ALMS1: variants seen among roughly 807,000 people sequenced by gnomAD.
The protein encoded by ALMS1 is centrosome-associated protein ALMS1.
ALMS1 carries 271 observed loss-of-function variants against 352.2 expected under a neutral mutation model. The observed-to-expected ratio is 0.77, with a 90% confidence interval of 0.70 to 0.85. ALMS1 has a LOEUF of 0.85. Ranked by LOEUF, ALMS1 falls within the 40% of genes least tolerant of loss-of-function variation. The pLI, the probability that ALMS1 is intolerant of heterozygous loss-of-function variation, is 0.00. For synonymous variants in ALMS1, 1,865 were observed against 1,761.2 expected (o/e 1.06, Z -1.48); for missense variants, 5,445 against 4,870.7 (o/e 1.12, Z -3.51).
chr2:73,439,237 C>T (rs1427349492), intron 7 of ALMS1, among the ~76,000 whole-genome samples: 1 of 151,524 alleles, frequency 6.6e-6, no homozygotes, highest in Non-Finnish European at 1.5e-5. Flanking sequence ...CTGCCTCACT[C>T]TCTGAGTAGC....
At position 73,519,846 on chromosome 2, in the gene ALMS1, TAAC is replaced by T. The variant is rs762803723; in HGVS notation, c.9616_9618del (p.Thr3206del). On this transcript the variant is annotated inframe_deletion, in exon 11 of 23. Transcript: ENST00000613296. ...TTGTCATCTGATGCAGTCACTCAGA[TAAC>T]AACAGAAAGTCCAGAAAAGACCCTA... is the stretch of plus-strand genomic sequence containing the variant. The T allele has an allele frequency of 1.2e-6, 2 of 1,614,078 alleles. No individual in the cohort carries two copies. The highest frequency in any genetic ancestry group is 1.7e-6 in the Non-Finnish European group (2 of 1,179,950).
intron 1 of ALMS1, among the ~76,000 whole-genome samples, chr2:73,406,385 A>G (rs1208451596): frequency 2.0e-5 from 3 of 149,886 alleles, no homozygotes; most frequent in South Asian, 2.1e-4. Context: ...CCTTAGTTCC[A>G]AAGTGTCTTT....
chr2:73,425,343 C>T (rs1392907635), intron 5 of ALMS1, among the ~76,000 whole-genome samples: 1 of 152,094 alleles, frequency 6.6e-6, no homozygotes, highest in Non-Finnish European at 1.5e-5. Flanking sequence ...AGAAGTGCAA[C>T]CCAGATTCTT....
chr2:73,455,069 T>G, intron 8 of ALMS1, 93 bp from the exon 9 acceptor site: 1 of 1,403,148 alleles, frequency 7.1e-7, no homozygotes, highest in Non-Finnish European at 1.0e-6. Context: ...CAGTGGGTAT[T>G]AAATTGCATA....
intron 1 of ALMS1, among the ~76,000 whole-genome samples, chr2:73,393,393 T>C (rs565601983): frequency 7.3e-6 from 1 of 137,340 alleles, no homozygotes; most frequent in East Asian, 2.0e-4. Flanking sequence ...TCCAGCACTG[T>C]TTTTTTTTTT....
Position 73,520,014 on chromosome 2 carries a change from A to AT in ALMS1, c.9780dup (p.Gly3261TrpfsTer9). The AT allele has an allele frequency of 6.2e-7, 1 of 1,614,058 alleles. No homozygotes were observed. The highest frequency in any genetic ancestry group is 8.5e-7 in the Non-Finnish European group (1 of 1,179,946). Reference sequence around the variant, plus strand: ...CAGGTTACTTTTTCTCGCGGCACAGATGGTAAGAGAATGTGATTGCATTTT... The same window carrying AT: ...CAGGTTACTTTTTCTCGCGGCACAGATTGGTAAGAGAATGTGATTGCATTTT... On this transcript the variant is annotated frameshift_variant and splice_region_variant, in exon 11 of 23. Transcript: ENST00000613296. LOFTEE classifies it high-confidence loss of function.
chr2:73,546,878 C>G (rs548249347), intron 12 of ALMS1, among the ~76,000 whole-genome samples: 1 of 152,118 alleles, frequency 6.6e-6, no homozygotes, highest in Admixed American at 6.5e-5. Flanking sequence ...AGGCAACATC[C>G]CATTCTATAA....
intron 14 of ALMS1, among the ~76,000 whole-genome samples, chr2:73,557,741 A>T (rs1375347054): frequency 6.6e-6 from 1 of 152,196 alleles, no homozygotes; most frequent in Non-Finnish European, 1.5e-5. Context: ...TTTACTTCCT[A>T]CCTATCAGTT....
intron 13 of ALMS1, among the ~76,000 whole-genome samples, chr2:73,555,234 G>C: frequency 6.6e-6 from 1 of 152,148 alleles, no homozygotes; most frequent in Admixed American, 6.5e-5. Context: ...TACATGTGTA[G>C]CTTATTTAAG....
At chr2:73,401,681 CTTT>C (rs530310149) in intron 1 of ALMS1, among the ~76,000 whole-genome samples, 2 of 143,344 alleles carry the variant, frequency 1.4e-5, no homozygotes, top group Non-Finnish European at 3.1e-5. Flanking sequence ...TAGTTACTGC[CTTT>C]TTTTTTTTGT....
intron 12 of ALMS1, among the ~76,000 whole-genome samples, chr2:73,539,039 G>A (rs1674099292): frequency 6.6e-6 from 1 of 152,122 alleles, no homozygotes; most frequent in Non-Finnish European, 1.5e-5. Flanking sequence ...GAGAGTAGTG[G>A]TTCTCCCAGC....
In ALMS1 at chr2:73,474,915, A is replaced by G. The variant is rs72909376; in HGVS notation, c.7675-14719A>G. 2.7e-3 allele frequency among the ~76,000 whole-genome samples: 404 copies of G among 152,208 alleles called. 4 individuals carry two copies. Among genetic ancestry groups the G allele is most frequent in the African/African-American group, 9.2e-3 (384 of 41,546 alleles). On this transcript the variant is annotated intron_variant, in intron 9 of 22. Coordinates refer to ENST00000613296, the MANE Select transcript of ALMS1 (RefSeq NM_001378454.1). Reference sequence around the variant, plus strand: ...ATTAGCCCCTCTCCCCCAATTCCCTAGCCCTAGGCAAACACCAGTCCACTT... The same window carrying G: ...ATTAGCCCCTCTCCCCCAATTCCCTGGCCCTAGGCAAACACCAGTCCACTT...
intron 11 of ALMS1, among the ~76,000 whole-genome samples, chr2:73,531,090 G>A (rs1441351573): frequency 6.6e-6 from 1 of 152,206 alleles, no homozygotes; most frequent in African/African-American, 2.4e-5. Flanking sequence ...TTGGCTCCTC[G>A]TTACTTATGC....
intron 7 of ALMS1, among the ~76,000 whole-genome samples, chr2:73,447,058 C>CTGTT (rs3980727): frequency 0.87 from 132,378 of 151,918 alleles, 57,763 homozygotes; most frequent in Admixed American, 0.92. Context: ...GGATTATTGT[C>CTGTT]TGTTTATTGC....
At chr2:73,554,485 C>T (rs1674501491) in intron 13 of ALMS1, among the ~76,000 whole-genome samples, 1 of 151,520 alleles carries the variant, frequency 6.6e-6, no homozygotes, top group Admixed American at 6.6e-5. Flanking sequence ...GCGGGTGGAT[C>T]ACGAGGTCAG....
At chr2:73,593,623 A>G (rs1675479310) in intron 16 of ALMS1, among the ~76,000 whole-genome samples, 2 of 152,330 alleles carry the variant, frequency 1.3e-5, no homozygotes. Context: ...TTTAAAGTGT[A>G]CAGTTTAATG....
rs748315200 is a variant in ALMS1 at position 73,608,584 on chromosome 2, T to C, written c.12462+10T>C. On this transcript the variant is annotated intron_variant, in intron 22 of 22. Coordinates refer to ENST00000613296, the MANE Select transcript of ALMS1 (RefSeq NM_001378454.1). ...CCAGCTATATAAAAAGGTCAGTGGG[T>C]CCTCTGTCTAGAGTGGGATGGATCA... is the stretch of plus-strand genomic sequence containing the variant. 5 of 1,602,454 alleles carry C rather than the reference T, an allele frequency of 3.1e-6. No homozygotes were observed. In the African/African-American group the frequency reaches 6.7e-5, roughly 21 times the overall value.
chr2:73,483,004 T>C (rs1672747432), intron 9 of ALMS1, among the ~76,000 whole-genome samples: 1 of 152,270 alleles, frequency 6.6e-6, no homozygotes. Context: ...AGTCTTTTGT[T>C]GATCCTTTCA....
chr2:73,527,244 C>CTT (rs566724853), intron 11 of ALMS1, among the ~76,000 whole-genome samples: 4 of 140,284 alleles, frequency 2.9e-5, no homozygotes, highest in East Asian at 2.0e-4. Context: ...TCTTTTTTCT[C>CTT]TTTTTTTTTT....
Sources: allele counts gnomAD v4.1 joint callset (sites outside exome capture counted in the v4.1 genomes callset), GRCh38; gene constraint gnomAD v4.1.1; transcripts MANE v1.5; gene names NCBI Gene and HGNC (gene_info 2026-07-23, HGNC 2026-07-21).